Variants in GBE1 observed in about 807,000 individuals in gnomAD.
The protein encoded by GBE1 is 1,4-alpha-glucan-branching enzyme.
A neutral mutation model predicts 88.8 loss-of-function variants in GBE1; 70 were observed. The observed-to-expected ratio is 0.79, with a 90% CI of 0.65 to 0.96. The LOEUF (loss-of-function observed/expected upper bound fraction) is 0.96, where lower values mean the gene tolerates loss of function less well. Among genes scored for constraint, GBE1 ranks in the 40% least tolerant of loss-of-function variants. The pLI, the probability that GBE1 is intolerant of heterozygous loss-of-function variation, is 0.00. For synonymous variants in GBE1, 284 were observed against 300.1 expected, an observed-to-expected ratio of 0.95 and a Z score of 0.56; for missense variants, 872 against 871.0, an observed-to-expected ratio of 1.00 and a Z score of -0.01.
intron 12 of GBE1, among the ~76,000 whole-genome samples, 178 bp from the exon 13 acceptor site, chr3:81,537,273 G>A (rs1030135320): frequency 6.6e-6 from 1 of 151,952 alleles, no homozygotes; most frequent in East Asian, 1.9e-4. Flanking sequence ...GTCTAGCACA[G>A]GAAGTACCAC....
chr3:81,686,343 G>A (rs572315366), intron 2 of GBE1, among the ~76,000 whole-genome samples: 11 of 152,256 alleles, frequency 7.2e-5, no homozygotes, highest in Admixed American at 5.2e-4. Flanking sequence ...ATATGGAGGC[G>A]GGAGGGAAGG....
At chr3:81,558,181 T>C (rs1703373062) in intron 12 of GBE1, among the ~76,000 whole-genome samples, 1 of 152,094 alleles carries the variant, frequency 6.6e-6, no homozygotes, top group Non-Finnish European at 1.5e-5. Context: ...TGTGTGTGTG[T>C]GTGTTTATAG....
At chr3:81,570,980 G>A (rs956137023) in intron 12 of GBE1, among the ~76,000 whole-genome samples, 1 of 152,132 alleles carries the variant, frequency 6.6e-6, no homozygotes, top group Non-Finnish European at 1.5e-5. Context: ...TTAATAGTAG[G>A]AATTAGGCTT....
At chr3:81,501,443 T>C (rs1370973642) in intron 14 of GBE1, among the ~76,000 whole-genome samples, 1 of 152,074 alleles carries the variant, frequency 6.6e-6, no homozygotes, top group Non-Finnish European at 1.5e-5. Context: ...TCTTTCTCCA[T>C]CTCTTGTTTC....
chr3:81,646,351 G>T, intron 6 of GBE1, 41 bp downstream of exon 6: 1 of 1,211,554 alleles, frequency 8.3e-7, no homozygotes, highest in Non-Finnish European at 1.2e-6. Context: ...TTAAATTATT[G>T]GCTCAAAATA....
At chr3:81,626,462 A>C (rs1704417781) in intron 7 of GBE1, among the ~76,000 whole-genome samples, 1 of 152,196 alleles carries the variant, frequency 6.6e-6, no homozygotes, top group African/African-American at 2.4e-5. Context: ...ATAAGTAAGT[A>C]AAGGATAAAA....
chr3:81,602,507 CCTCTTACGAGTT>C (rs1704046944), intron 7 of GBE1, among the ~76,000 whole-genome samples: 1 of 152,120 alleles, frequency 6.6e-6, no homozygotes, highest in Non-Finnish European at 1.5e-5. Flanking sequence ...TGATGAGGGT[CCTCTTACGAGTT>C]GCAAAGTGCC....
At chr3:81,594,074 C>A in intron 7 of GBE1, 51 bp from the exon 8 acceptor site, 1 of 818,730 alleles carries the variant, frequency 1.2e-6, no homozygotes, top group Non-Finnish European at 2.0e-6. Flanking sequence ...GAGCATTTTC[C>A]TTAACTGTTA....
chr3:81,673,842 T>C (rs1300038824), intron 2 of GBE1, among the ~76,000 whole-genome samples: 1 of 151,868 alleles, frequency 6.6e-6, no homozygotes, highest in African/African-American at 2.4e-5. Flanking sequence ...TCATGGGAAC[T>C]CAGGTGTTGG....
At chr3:81,721,600 T>C (rs1473679614) in intron 1 of GBE1, among the ~76,000 whole-genome samples, 1 of 152,202 alleles carries the variant, frequency 6.6e-6, no homozygotes, top group Non-Finnish European at 1.5e-5. Context: ...TATATAATTA[T>C]ACAGTATTAT....
intron 14 of GBE1, among the ~76,000 whole-genome samples, chr3:81,515,993 C>T (rs2106838236): frequency 6.6e-6 from 1 of 151,760 alleles, no homozygotes; most frequent in East Asian, 1.9e-4. Flanking sequence ...ATCTTCATAA[C>T]ATAAAATTTT....
rs1276052092 is a variant in GBE1, at chr3:81,490,195, T to C, written c.*212A>G. ...TAGCTGCTAAGATGACTTGAAAATA[T>C]GGTCTAGGATTCCTAATATTTTAAA... On this transcript the variant is annotated 3_prime_UTR_variant, in exon 16 of 16. Transcript: ENST00000429644. The C allele has an allele frequency of 1.9e-6, 1 of 520,416 alleles. No individual in the cohort carries two copies. The highest frequency in any genetic ancestry group is 3.3e-6 in the Non-Finnish European group (1 of 298,828). 32.2% of individuals were successfully genotyped at this position (520,416 alleles called of 1,614,324 possible).
chr3:81,532,753 T>C (rs1289827791), intron 14 of GBE1, among the ~76,000 whole-genome samples: 1 of 152,228 alleles, frequency 6.6e-6, no homozygotes, highest in African/African-American at 2.4e-5. Context: ...TTTTCAGCTT[T>C]ATCTCTTAAT....
intron 14 of GBE1, among the ~76,000 whole-genome samples, chr3:81,508,856 G>A (rs1404348333): frequency 2.6e-5 from 4 of 152,060 alleles, no homozygotes; most frequent in African/African-American, 9.7e-5. Flanking sequence ...CCTACCAATT[G>A]CTAACTGTGT....
At chr3:81,604,009 G>A (rs189381258) in intron 7 of GBE1, among the ~76,000 whole-genome samples, 116 of 152,048 alleles carry the variant, frequency 7.6e-4, no homozygotes, top group African/African-American at 2.7e-3. Flanking sequence ...AACCAGCACC[G>A]AATCCCACAA....
At chr3:81,550,116 T>G (rs958596850) in intron 12 of GBE1, among the ~76,000 whole-genome samples, 2 of 151,594 alleles carry the variant, frequency 1.3e-5, no homozygotes, top group Non-Finnish European at 3.0e-5. Context: ...GCCCAGTTCA[T>G]GGAAAGCCTT....
intron 12 of GBE1, among the ~76,000 whole-genome samples, chr3:81,542,836 A>G (rs1565678): frequency 0.65 from 98,548 of 151,848 alleles, 33,673 homozygotes; most frequent in East Asian, 0.92. Context: ...CATGTACCCC[A>G]TGCATCTAAA....
chr3:81,718,458 G>A (rs1240350357), intron 1 of GBE1, among the ~76,000 whole-genome samples: 2 of 152,120 alleles, frequency 1.3e-5, no homozygotes, highest in Non-Finnish European at 2.9e-5. Context: ...CCAACACCGG[G>A]AGAAGTAGCA....
chr3:81,682,042 G>T (rs1436217032), intron 2 of GBE1, among the ~76,000 whole-genome samples: 1 of 152,190 alleles, frequency 6.6e-6, no homozygotes, highest in Non-Finnish European at 1.5e-5. Context: ...TAGGGGATGT[G>T]AATCTAGAAT....
Sources: gnomAD v4.1 joint callset for allele counts (sites outside exome capture counted in the v4.1 genomes callset) on GRCh38, gnomAD v4.1.1 for gene constraint, MANE v1.5 for transcripts, NCBI Gene and HGNC (gene_info 2026-07-23, HGNC 2026-07-21) for gene names.